RNF180: variants seen among roughly 807,000 people sequenced by gnomAD.
The protein encoded by RNF180 is ring finger protein 180.
In RNF180, 38 loss-of-function variants were observed where a neutral mutation model predicts 59.2. That is an observed-to-expected ratio of 0.64 (90% CI 0.50 to 0.84). The LOEUF (loss-of-function observed/expected upper bound fraction) is 0.84, where lower values mean the gene tolerates loss of function less well. RNF180 is among the 40% of genes least tolerant of loss of function. The probability of loss-of-function intolerance (pLI) is 0.00; values close to 1 mark genes in which losing one functional copy is unlikely to be tolerated. For synonymous variants in RNF180, 262 were observed against 240.3 expected (o/e 1.09, Z -0.84); for missense variants, 705 against 700.9 (o/e 1.01, Z -0.07).
chr5:64,323,100 T>C (rs955174387), intron 5 of RNF180, among the ~76,000 whole-genome samples: 17 of 152,132 alleles, frequency 1.1e-4, no homozygotes, highest in Admixed American at 5.2e-4. Context: ...GATTAACAGT[T>C]TTAAGGAACA....
intron 5 of RNF180, among the ~76,000 whole-genome samples, chr5:64,232,084 G>A (rs1035219911): frequency 1.3e-5 from 2 of 152,136 alleles, no homozygotes; most frequent in African/African-American, 2.4e-5. Context: ...AGTGCCAGAC[G>A]TTTCCTGTCT....
intron 1 of RNF180, among the ~76,000 whole-genome samples, chr5:64,199,037 C>T (rs950338076): frequency 3.3e-5 from 5 of 152,156 alleles, no homozygotes; most frequent in African/African-American, 7.2e-5. Context: ...AGGCTGGTTT[C>T]GAACTCCTGA....
intron 4 of RNF180, among the ~76,000 whole-genome samples, chr5:64,215,937 A>G (rs1752598009): frequency 6.6e-6 from 1 of 152,148 alleles, no homozygotes; most frequent in Non-Finnish European, 1.5e-5. Context: ...ATTTTCCATC[A>G]TAGGAATACT....
chr5:64,229,856 C>T (rs1741999725), intron 5 of RNF180, among the ~76,000 whole-genome samples: 1 of 152,140 alleles, frequency 6.6e-6, no homozygotes, highest in African/African-American at 2.4e-5. Flanking sequence ...TACAGTGAGC[C>T]ATTCATATAC....
intron 6 of RNF180, among the ~76,000 whole-genome samples, chr5:64,327,124 T>C (rs140983977): frequency 6.6e-6 from 1 of 152,230 alleles, no homozygotes; most frequent in East Asian, 1.9e-4. Context: ...TAATGGTCCT[T>C]TGTATTTGGT....
Position 64,213,543 on chromosome 5 carries a change from C to A in RNF180, c.232-15C>A. 1 of 1,588,114 alleles carries A rather than the reference C, an allele frequency of 6.3e-7. No homozygotes were observed. Among genetic ancestry groups the A allele is most frequent in the East Asian group, 2.2e-5 (1 of 44,522 alleles). Reference sequence around the variant, plus strand: ...TAATGAAAGCACTGTCTTTATTCTTCTTTATTACCTGTAGGCCCAGTGGAC... The same window carrying A: ...TAATGAAAGCACTGTCTTTATTCTTATTTATTACCTGTAGGCCCAGTGGAC... On this transcript the variant is annotated splice_polypyrimidine_tract_variant and intron_variant, in intron 3 of 7. Coordinates refer to ENST00000389100, the MANE Select transcript of RNF180 (RefSeq NM_001113561.2).
chr5:64,220,527 T>C (rs1240090866), intron 5 of RNF180, among the ~76,000 whole-genome samples: 1 of 152,112 alleles, frequency 6.6e-6, no homozygotes, highest in Non-Finnish European at 1.5e-5. Flanking sequence ...AAATTGCCAG[T>C]ATATCAGCAT....
intron 5 of RNF180, among the ~76,000 whole-genome samples, chr5:64,284,075 G>T (rs1342371309): frequency 6.6e-6 from 1 of 152,104 alleles, no homozygotes; most frequent in Non-Finnish European, 1.5e-5. Flanking sequence ...CTTGACATTT[G>T]CTTGCTTGAA....
chr5:64,351,717 C>T (rs1745819706), intron 7 of RNF180, among the ~76,000 whole-genome samples: 1 of 151,422 alleles, frequency 6.6e-6, no homozygotes, highest in South Asian at 2.1e-4. Flanking sequence ...TATTGATTTT[C>T]GTATGTTGAA....
intron 7 of RNF180, among the ~76,000 whole-genome samples, chr5:64,339,667 C>T (rs1745280844): frequency 6.6e-6 from 1 of 151,174 alleles, no homozygotes. Flanking sequence ...TTCCCATATA[C>T]GCCTTTGGCT....
chr5:64,190,792 C>G (rs1484280992), intron 1 of RNF180, among the ~76,000 whole-genome samples: 1 of 152,196 alleles, frequency 6.6e-6, no homozygotes, highest in Non-Finnish European at 1.5e-5. Context: ...ATGTGGCTGT[C>G]TGCAAGCCAA....
chr5:64,266,439 C>T (rs187565496), intron 5 of RNF180, among the ~76,000 whole-genome samples: 10 of 152,082 alleles, frequency 6.6e-5, no homozygotes, highest in Admixed American at 1.3e-4. Flanking sequence ...AAAGTTATTA[C>T]CATTATAATG....
intron 5 of RNF180, among the ~76,000 whole-genome samples, chr5:64,279,081 A>T (rs1445268614): frequency 6.6e-6 from 1 of 152,162 alleles, no homozygotes; most frequent in Admixed American, 6.5e-5. Flanking sequence ...AATGAAAAGA[A>T]CCAAGGCTGG....
intron 1 of RNF180, among the ~76,000 whole-genome samples, chr5:64,191,746 C>T (rs1024446356): frequency 6.6e-6 from 1 of 152,108 alleles, no homozygotes; most frequent in African/African-American, 2.4e-5. Flanking sequence ...CCATAAGTTG[C>T]CTTTTCACTC....
At chr5:64,193,617 C>A (rs1388263527) in intron 1 of RNF180, among the ~76,000 whole-genome samples, 1 of 152,146 alleles carries the variant, frequency 6.6e-6, no homozygotes, top group Non-Finnish European at 1.5e-5. Context: ...TAGCATTTAA[C>A]CAGTTCTTTG....
intron 5 of RNF180, among the ~76,000 whole-genome samples, chr5:64,323,516 C>T (rs769717719): frequency 1.1e-4 from 17 of 151,922 alleles, no homozygotes; most frequent in South Asian, 2.1e-4. Context: ...CCAGCCTGGA[C>T]GACAGAGTAA....
At chr5:64,182,163 T>A (rs1409257923) in intron 1 of RNF180, among the ~76,000 whole-genome samples, 3 of 151,924 alleles carry the variant, frequency 2.0e-5, no homozygotes, top group Non-Finnish European at 2.9e-5. Flanking sequence ...GCTAATTTTT[T>A]TGTATTTTTA....
intron 5 of RNF180, among the ~76,000 whole-genome samples, chr5:64,286,795 G>A (rs1025214831): frequency 6.6e-6 from 1 of 152,160 alleles, no homozygotes; most frequent in African/African-American, 2.4e-5. Context: ...GAGAACCACA[G>A]GAGTTCTGGA....
chr5:64,348,923 C>A (rs954320536), intron 7 of RNF180, among the ~76,000 whole-genome samples: 1 of 151,974 alleles, frequency 6.6e-6, no homozygotes, highest in Non-Finnish European at 1.5e-5. Context: ...TTAAATGATA[C>A]CTTGTCTGAG....
Sources: gnomAD v4.1 joint callset for allele counts (sites outside exome capture counted in the v4.1 genomes callset) on GRCh38, gnomAD v4.1.1 for gene constraint, MANE v1.5 for transcripts, NCBI Gene and HGNC (gene_info 2026-07-23, HGNC 2026-07-21) for gene names.